MOB3B: variants seen among roughly 807,000 people sequenced by gnomAD.
MOB3B encodes MOB kinase activator 3B, also known as MOB kinase activator-like 2B.
MOB3B carries 7 observed loss-of-function variants against 18.7 expected under a neutral mutation model. The observed-to-expected ratio is 0.37, with a 90% CI of 0.21 to 0.70. MOB3B has a LOEUF of 0.70. MOB3B is among the 30% of genes least tolerant of loss of function. The probability of loss-of-function intolerance (pLI) is 0.52; values close to 1 mark genes in which losing one functional copy is unlikely to be tolerated. For synonymous variants in MOB3B, 111 were observed against 99.9 expected, an observed-to-expected ratio of 1.11 and a Z score of -0.66; for missense variants, 253 against 281.3, an observed-to-expected ratio of 0.90 and a Z score of 0.72.
chr9:27,420,314 CA>C (rs1822222643), intron 2 of MOB3B, among the ~76,000 whole-genome samples: 1 of 151,668 alleles, frequency 6.6e-6, no homozygotes, highest in Admixed American at 6.6e-5. Context: ...GGTATCTACC[CA>C]GGGGAAAAGA....
chr9:27,358,926 C>G (rs753645256), intron 3 of MOB3B, 108 bp downstream of exon 3: 1 of 1,163,586 alleles, frequency 8.6e-7, no homozygotes, highest in South Asian at 1.2e-5. Flanking sequence ...AGCCCTCAGG[C>G]TAACAGCTAG....
intron 1 of MOB3B, among the ~76,000 whole-genome samples, chr9:27,472,354 C>T (rs2131468125): frequency 6.6e-6 from 1 of 152,084 alleles, no homozygotes; most frequent in South Asian, 2.1e-4. Context: ...ACTCCTCAAG[C>T]AAAGCCATGG....
chr9:27,482,071 CA>C (rs564859818), intron 1 of MOB3B, among the ~76,000 whole-genome samples: 1 of 151,138 alleles, frequency 6.6e-6, no homozygotes, highest in South Asian at 2.1e-4. Flanking sequence ...AATGCAAAAA[CA>C]AAAAAACATA....
intron 2 of MOB3B, among the ~76,000 whole-genome samples, chr9:27,451,520 A>G (rs992779369): frequency 7.2e-5 from 11 of 152,186 alleles, no homozygotes; most frequent in African/African-American, 2.4e-4. Context: ...TCTTTCCTCA[A>G]TGTTTCAATG....
At chr9:27,380,558 A>G (rs369424700) in intron 2 of MOB3B, among the ~76,000 whole-genome samples, 1 of 152,168 alleles carries the variant, frequency 6.6e-6, no homozygotes. Flanking sequence ...ATTCCATACT[A>G]TAAGGGCTGA....
rs188860690 is a variant in MOB3B at position 27,376,734 on chromosome 9, C to G, written c.419-17498G>C. Among the ~76,000 whole-genome samples, 114 of 152,332 alleles carry G rather than the reference C, an allele frequency of 7.5e-4. 2 individuals carry two copies. Among genetic ancestry groups the G allele is most frequent in the South Asian group, 3.5e-3 (17 of 4,832 alleles). On this transcript the variant is annotated intron_variant, in intron 2 of 3. Transcript: ENST00000262244. ...AGTGTGGTCTCCGGACCAGCAGCAC[C>G]AGCAATATCTGGGAGCTTGCTAGAA...
intron 3 of MOB3B, among the ~76,000 whole-genome samples, chr9:27,334,499 A>T (rs1467495184): frequency 6.6e-6 from 1 of 152,244 alleles, no homozygotes; most frequent in South Asian, 2.1e-4. Context: ...TGTCTTTTAC[A>T]TAAGATACTC....
chr9:27,527,558 G>T (rs1314112789), intron 1 of MOB3B, among the ~76,000 whole-genome samples: 1 of 152,168 alleles, frequency 6.6e-6, no homozygotes, highest in Non-Finnish European at 1.5e-5. Flanking sequence ...CAAGCTTCTG[G>T]TATCCACTGA....
chr9:27,334,034 G>T (rs1820828442), intron 3 of MOB3B, among the ~76,000 whole-genome samples: 2 of 152,166 alleles, frequency 1.3e-5, no homozygotes, highest in Admixed American at 1.3e-4. Flanking sequence ...CCTTTCTTGG[G>T]TATCTCCATC....
chr9:27,472,676 T>C (rs1392351319), intron 1 of MOB3B, among the ~76,000 whole-genome samples: 3 of 94,694 alleles, frequency 3.2e-5, no homozygotes, highest in Non-Finnish European at 6.6e-5. Context: ...TGCACTTTAT[T>C]CTAAAAAAAA....
chr9:27,511,372 G>A (rs1820140635), intron 1 of MOB3B, among the ~76,000 whole-genome samples: 1 of 152,114 alleles, frequency 6.6e-6, no homozygotes, highest in African/African-American at 2.4e-5. Flanking sequence ...GCCATAAAAT[G>A]GGGATAAAAT....
intron 2 of MOB3B, among the ~76,000 whole-genome samples, chr9:27,387,373 G>A (rs886305398): frequency 2.0e-5 from 3 of 152,286 alleles, no homozygotes; most frequent in South Asian, 2.1e-4. Context: ...TTTGGAAATA[G>A]TAAAGAGCCT....
At chr9:27,381,191 C>A (rs1171995303) in intron 2 of MOB3B, among the ~76,000 whole-genome samples, 1 of 152,100 alleles carries the variant, frequency 6.6e-6, no homozygotes, top group Non-Finnish European at 1.5e-5. Flanking sequence ...TGTTTAAGTT[C>A]TCGGTAGAAT....
intron 2 of MOB3B, among the ~76,000 whole-genome samples, chr9:27,371,804 A>G (rs1300252378): frequency 1.3e-5 from 2 of 152,030 alleles, no homozygotes; most frequent in Non-Finnish European, 2.9e-5. Context: ...TAGGACTGCC[A>G]GACCTTCTGT....
chr9:27,422,565 T>C lies in MOB3B; in HGVS notation c.418+32568A>G, dbSNP rs1455890645. ...AAGACAGATTTTATCTTTGTTTTCA[T>C]GCATTGGCAATATGTAGTTTTATGT... is the stretch of plus-strand genomic sequence containing the variant. On this transcript the variant is annotated intron_variant, in intron 2 of 3. Coordinates refer to ENST00000262244, the MANE Select transcript of MOB3B (RefSeq NM_024761.5). 2.6e-5 allele frequency among the ~76,000 whole-genome samples: 4 copies of C among 152,376 alleles called. No homozygotes were observed. In the South Asian group the frequency reaches 6.2e-4, roughly 24 times the overall value.
intron 2 of MOB3B, among the ~76,000 whole-genome samples, chr9:27,361,120 G>A (rs11793463): frequency 0.14 from 21,529 of 152,148 alleles, 2,231 homozygotes; most frequent in African/African-American, 0.29. Context: ...GACAATGCCA[G>A]GAGGTCGACA....
At chr9:27,441,778 TG>T (rs1822598034) in intron 2 of MOB3B, among the ~76,000 whole-genome samples, 1 of 152,208 alleles carries the variant, frequency 6.6e-6, no homozygotes, top group African/African-American at 2.4e-5. Context: ...TCGCTTGTCT[TG>T]TTTCAACCAA....
chr9:27,398,643 A>C (rs887383574), intron 2 of MOB3B, among the ~76,000 whole-genome samples: 1 of 152,214 alleles, frequency 6.6e-6, no homozygotes, highest in Non-Finnish European at 1.5e-5. Context: ...CAAGCAGTGC[A>C]TGTACCACCT....
At chr9:27,524,589 A>G in intron 1 of MOB3B, 2 of 1,614,150 alleles carry the variant, frequency 1.2e-6, no homozygotes, top group Middle Eastern at 1.6e-4. Context: ...GGACATCAAG[A>G]AGGCCTTCTA....
Sources: gnomAD v4.1 joint callset for allele counts (sites outside exome capture counted in the v4.1 genomes callset) on GRCh38, gnomAD v4.1.1 for gene constraint, MANE v1.5 for transcripts, NCBI Gene and HGNC (gene_info 2026-07-23, HGNC 2026-07-21) for gene names.